The following DPT variants were observed in gnomAD, a reference collection of about 807,000 sequenced individuals.
DPT encodes the protein tyrosine-rich acidic matrix protein.
DPT carries 21 observed loss-of-function variants against 31.2 expected under a neutral mutation model. The ratio of observed to expected loss-of-function variants is 0.67; its 90% CI spans 0.48 to 0.97. The LOEUF is 0.97. Among genes scored for constraint, DPT ranks in the 50% least tolerant of loss-of-function variants. The probability of loss-of-function intolerance (pLI) is 0.00; values close to 1 mark genes in which losing one functional copy is unlikely to be tolerated. For synonymous variants in DPT, 91 were observed against 86.9 expected (o/e 1.05, Z -0.26); for missense variants, 262 against 258.8 (o/e 1.01, Z -0.08).
intron 1 of DPT, among the ~76,000 whole-genome samples, chr1:168,724,171 A>C (rs1264807203): frequency 6.6e-6 from 1 of 152,236 alleles, no homozygotes; most frequent in Non-Finnish European, 1.5e-5. Flanking sequence ...TGCGGCGGCA[A>C]AGTGTGTCAG....
At position 168,714,300 on chromosome 1, in the gene DPT, G is replaced by C. The variant is rs775480878; in HGVS notation, c.352C>G (p.Arg118Gly). 4 of 1,613,884 alleles carry C rather than the reference G, an allele frequency of 2.5e-6. No homozygotes were observed. Among genetic ancestry groups the C allele is most frequent in the Admixed American group, 1.7e-5 (1 of 59,968 alleles). Residue 118 changes from arginine (R) to glycine (G), a missense_variant, in exon 2 of 4, where the codon CGC (arginine) becomes GGC (glycine). By Grantham distance (125) the Arg-to-Gly change is moderately radical (BLOSUM62 -2). Coordinates refer to ENST00000367817, the MANE Select transcript of DPT (RefSeq NM_001937.5). ...CGATCCAGCACTGACTCGAAGTAGCGGCTCTGGAATCCTGCCACCAGCCCA... is the reference window on the plus strand; with the variant it reads ...CGATCCAGCACTGACTCGAAGTAGCCGCTCTGGAATCCTGCCACCAGCCCA... ...NNGLVAGFQSRYFESVLDREW... is the reference protein window; with the variant it reads ...NNGLVAGFQSGYFESVLDREW...
chr1:168,703,503 C>T (rs949507670), intron 2 of DPT, among the ~76,000 whole-genome samples: 4 of 152,160 alleles, frequency 2.6e-5, no homozygotes, highest in Non-Finnish European at 5.9e-5. Context: ...ACAGTTTGTC[C>T]GAGAAGCCTC....
At position 168,729,099 on chromosome 1, in the gene DPT, G is replaced by A. The variant is rs1650317540; in HGVS notation, c.76C>T (p.Pro26Ser). Residue 26 changes from proline (P) to serine (S), a missense_variant, in exon 1 of 4, where the codon CCA (proline) becomes TCA (serine). Transcript: ENST00000367817. ...AWGQYGDYGY[P>S]YQQYHDYSDD... Reference sequence around the variant, plus strand: ...CTGTAGTCATGATACTGCTGGTATGGGTATCCATAATCGCCATACTGGCCC... The same window carrying A: ...CTGTAGTCATGATACTGCTGGTATGAGTATCCATAATCGCCATACTGGCCC... 6.2e-7 allele frequency: 1 copy of A among 1,614,072 alleles called. No individual in the cohort carries two copies. The highest frequency in any genetic ancestry group is 1.7e-5 in the Admixed American group (1 of 60,006).
At chr1:168,726,731 G>A (rs954798786) in intron 1 of DPT, among the ~76,000 whole-genome samples, 36 of 152,250 alleles carry the variant, frequency 2.4e-4, no homozygotes, top group African/African-American at 8.4e-4. Context: ...GAGGACTGGA[G>A]GGACAGTTGT....
intron 2 of DPT, among the ~76,000 whole-genome samples, chr1:168,709,688 C>A (rs747471509): frequency 6.6e-6 from 1 of 152,180 alleles, no homozygotes; most frequent in African/African-American, 2.4e-5. Context: ...TGTCAGGCTG[C>A]GTGCTGAAGA....
intron 1 of DPT, among the ~76,000 whole-genome samples, chr1:168,718,194 T>C (rs1338954244): frequency 6.6e-6 from 1 of 152,226 alleles, no homozygotes; most frequent in Admixed American, 6.5e-5. Context: ...CAGACCCCTA[T>C]AGGGGACAGA....
At chr1:168,717,614 A>T (rs1475280707) in intron 1 of DPT, among the ~76,000 whole-genome samples, 1 of 151,976 alleles carries the variant, frequency 6.6e-6, no homozygotes, top group Non-Finnish European at 1.5e-5. Flanking sequence ...GGTGTTTTTT[A>T]TTATGAAGTC....
At chr1:168,710,257 T>C (rs762681246) in intron 2 of DPT, among the ~76,000 whole-genome samples, 2 of 152,230 alleles carry the variant, frequency 1.3e-5, no homozygotes, top group African/African-American at 2.4e-5. Context: ...ACCATTTTAT[T>C]TGGTGACCGT....
In DPT at chr1:168,714,241, C is replaced by T. The variant is rs1482607247; in HGVS notation, c.411G>A (p.Lys137=). The change falls in exon 2 of 4, where the codon AAG becomes AAA. Residue 137 remains lysine (K), a synonymous_variant. Transcript: ENST00000367817. The stretch of plus-strand genomic sequence containing the variant: ...CTCACCAGCAGGAATATGGGCACCT[C>T]TTGCTGTAGCGACAACAGTAAAACT... ...EWQFYCCRYS[K]RCPYSCWLTT... is the part of the protein sequence containing the mutation. 2 of 1,613,980 alleles carry T rather than the reference C, an allele frequency of 1.2e-6. No individual in the cohort carries two copies. Among genetic ancestry groups the T allele is most frequent in the African/African-American group, 2.7e-5 (2 of 74,894 alleles).
intron 2 of DPT, among the ~76,000 whole-genome samples, chr1:168,704,501 C>A (rs1235301220): frequency 6.6e-6 from 1 of 152,178 alleles, no homozygotes; most frequent in Non-Finnish European, 1.5e-5. Context: ...GAGCTGAGAT[C>A]GCGCCACTGC....
chr1:168,727,705 AT>A (rs3216459), intron 1 of DPT, among the ~76,000 whole-genome samples: 9 of 114,174 alleles, frequency 7.9e-5, no homozygotes, highest in Middle Eastern at 4.3e-3. Flanking sequence ...CACCGGGCTA[AT>A]TTTTTTTTTT....
At chr1:168,696,798 TC>T (rs1312412988) in intron 3 of DPT, among the ~76,000 whole-genome samples, 183 bp from the exon 4 acceptor site, 3 of 152,170 alleles carry the variant, frequency 2.0e-5, no homozygotes, top group African/African-American at 7.2e-5. Flanking sequence ...ATCTGTGAGT[TC>T]AGGTCACCCT....
At position 168,708,107 on chromosome 1, in the gene DPT, C is replaced by A. The variant is rs569679065; in HGVS notation, c.431+6114G>T. Among the ~76,000 whole-genome samples, 13 of 152,222 alleles carry A rather than the reference C, an allele frequency of 8.5e-5. No homozygotes were observed. The South Asian group carries it at 2.7e-3, about 32-fold the overall frequency. On this transcript the variant is annotated intron_variant, in intron 2 of 3. Transcript: ENST00000367817. ...AATCACCTCTAGATTACGTATAATA[C>A]CTAAGATAATGCAAATGCTATGTGA...
chr1:168,700,096 G>A (rs1311089892), intron 3 of DPT, among the ~76,000 whole-genome samples: 1 of 152,064 alleles, frequency 6.6e-6, no homozygotes, highest in African/African-American at 2.4e-5. Context: ...CTGAATGTTG[G>A]TGTCCCCTTA....
At chr1:168,727,539 CTTTTT>C (rs3076492) in intron 1 of DPT, among the ~76,000 whole-genome samples, 1 of 128,132 alleles carries the variant, frequency 7.8e-6, no homozygotes. Flanking sequence ...TTTCTATTTT[CTTTTT>C]TTTTTTTTTT....
rs921184554 is a variant in DPT at position 168,722,035 on chromosome 1, AG to A, written c.305+6834del. The stretch of plus-strand genomic sequence containing the variant: ...ATGCCTCCAAAAATACAAATTCCTC[AG>A]GTTTTTTTGGAAAAATACAGGCAGG... On this transcript the variant is annotated intron_variant, in intron 1 of 3. Transcript: ENST00000367817. Among the ~76,000 whole-genome samples the A allele has an allele frequency of 3.9e-4, 60 of 152,162 alleles. 2 individuals are homozygous for A. The highest frequency in any genetic ancestry group is 1.4e-3 in the African/African-American group (58 of 41,518).
At chr1:168,702,697 C>T (rs974761515) in intron 2 of DPT, among the ~76,000 whole-genome samples, 8 of 150,390 alleles carry the variant, frequency 5.3e-5, no homozygotes, top group East Asian at 1.9e-4. Flanking sequence ...CTGCAACTTC[C>T]GCCTCCTGGG....
At chr1:168,700,261 C>T (rs542722390) in intron 3 of DPT, among the ~76,000 whole-genome samples, 5 of 152,224 alleles carry the variant, frequency 3.3e-5, no homozygotes, top group Non-Finnish European at 5.9e-5. Flanking sequence ...TTCCACCATG[C>T]GTGAGGACAC....
At position 168,710,790 on chromosome 1, in the gene DPT, G is replaced by A. The variant is rs1055587742; in HGVS notation, c.431+3431C>T. 4.6e-5 allele frequency among the ~76,000 whole-genome samples: 7 copies of A among 152,072 alleles called. No individual in the cohort carries two copies. The East Asian group carries it at 7.8e-4, about 17-fold the overall frequency. On this transcript the variant is annotated intron_variant, in intron 2 of 3. Transcript: ENST00000367817. ...AAATCTGGGGCATCATTAAAACAAC[G>A]GTGGAACTGGAAACACAAAGACCTG... is the stretch of plus-strand genomic sequence containing the variant.
Sources: gnomAD v4.1 joint callset for allele counts (sites outside exome capture counted in the v4.1 genomes callset) on GRCh38, gnomAD v4.1.1 for gene constraint, MANE v1.5 for transcripts, NCBI Gene and HGNC (gene_info 2026-07-23, HGNC 2026-07-21) for gene names.